Variants in DUSP22 observed in about 807,000 individuals in gnomAD.
DUSP22 encodes the protein dual specificity phosphatase 22, also known as dual specificity protein phosphatase 22.
A neutral mutation model predicts 24.5 loss-of-function variants in DUSP22; 24 were observed. The ratio of observed to expected loss-of-function variants is 0.98; its 90% CI spans 0.71 to 1.38. The LOEUF (loss-of-function observed/expected upper bound fraction) is 1.38, where lower values mean the gene tolerates loss of function less well. Ranked by LOEUF, DUSP22 falls within the 40% of genes most tolerant of loss-of-function variation. DUSP22 has a pLI of 0.00. For missense variants in DUSP22, 330 were observed against 269.2 expected (o/e 1.23, Z -1.58); for synonymous variants, 160 against 106.4 (o/e 1.50, Z -3.10).
intron 4 of DUSP22, among the ~76,000 whole-genome samples, chr6:344,181 G>T (rs4959746): frequency 3.2e-3 from 489 of 150,780 alleles, no homozygotes; most frequent in Non-Finnish European, 5.2e-3. Context: ...CTCCCTGAAC[G>T]GTTAGGGGGC....
At chr6:325,882 A>G (rs1474615820) in intron 3 of DUSP22, 1 of 159,954 alleles carries the variant, frequency 6.3e-6, no homozygotes, top group African/African-American at 3.0e-5. Context: ...GTCTGGAGTC[A>G]TCTTCCCTGG....
Position 350,896 on chromosome 6 carries a change from A to ACC in DUSP22, c.*1945_*1946insCC, listed in dbSNP as rs767050534. On this transcript the variant is annotated 3_prime_UTR_variant, in exon 7 of 7. Transcript: ENST00000419235. Reference sequence around the variant, plus strand: ...TACCTGAAGTTTCTGAAATATTGCAAACCCACAGAGTTTAGGCTGGTGCTG... The same window carrying ACC: ...TACCTGAAGTTTCTGAAATATTGCAACCACCCACAGAGTTTAGGCTGGTGCTG... 1 of 1,613,966 alleles carries ACC rather than the reference A, an allele frequency of 6.2e-7. No homozygotes were observed. Among genetic ancestry groups the ACC allele is most frequent in the Admixed American group, 1.7e-5 (1 of 60,034 alleles).
intron 1 of DUSP22, among the ~76,000 whole-genome samples, chr6:297,365 C>T (rs1757383146): frequency 6.6e-6 from 1 of 152,304 alleles, no homozygotes; most frequent in Non-Finnish European, 1.5e-5. Flanking sequence ...TTTGAGTGTT[C>T]TTGGATGTGA....
chr6:324,831 C>T (rs1758778687), intron 3 of DUSP22, among the ~76,000 whole-genome samples: 1 of 152,308 alleles, frequency 6.6e-6, no homozygotes, highest in Non-Finnish European at 1.5e-5. Context: ...AGCCTGTAAC[C>T]CATCTGCAGC....
At chr6:347,534 C>G (rs1357914753) in intron 5 of DUSP22, among the ~76,000 whole-genome samples, 1 of 152,302 alleles carries the variant, frequency 6.6e-6, no homozygotes, top group Admixed American at 6.5e-5. Context: ...TGCAAGGGTG[C>G]CTTGCTCCCA....
chr6:303,142 C>T (rs924133893), intron 1 of DUSP22, among the ~76,000 whole-genome samples: 1 of 152,290 alleles, frequency 6.6e-6, no homozygotes, highest in Non-Finnish European at 1.5e-5. Context: ...AGGAGAGACC[C>T]TCGGGAATGA....
intron 5 of DUSP22, among the ~76,000 whole-genome samples, chr6:346,735 C>T (rs1160570176): frequency 6.6e-6 from 1 of 152,306 alleles, no homozygotes; most frequent in African/African-American, 2.4e-5. Context: ...AGTCTTTTGA[C>T]ATTCCCCGAA....
intron 3 of DUSP22, among the ~76,000 whole-genome samples, chr6:328,768 C>T (rs549474398): frequency 8.5e-5 from 13 of 152,422 alleles, no homozygotes; most frequent in Admixed American, 4.6e-4. Context: ...ATTTATCTGC[C>T]GTGGCGGCTT....
chr6:347,211 C>A (rs1164435729), intron 5 of DUSP22, among the ~76,000 whole-genome samples: 1 of 152,310 alleles, frequency 6.6e-6, no homozygotes, highest in Admixed American at 6.5e-5. Flanking sequence ...CTTTTAAGAT[C>A]TCTCCTGGTA....
In DUSP22 at chr6:349,483, G is replaced by A. The variant is rs988228381; in HGVS notation, c.*532G>A. On this transcript the variant is annotated 3_prime_UTR_variant, in exon 7 of 7. Transcript: ENST00000419235. The stretch of plus-strand genomic sequence containing the variant: ...CCGAAAAGCTACCCAGCAAAGAGCA[G>A]TCTGTGCCTCTGAGCAGACCGTGAG... 8.9e-6 allele frequency: 9 copies of A among 1,006,522 alleles called. No homozygotes were observed. Among genetic ancestry groups the A allele is most frequent in the Middle Eastern group, 5.0e-4 (1 of 2,020 alleles). 62.3% of individuals were successfully genotyped at this position (1,006,522 alleles called of 1,614,324 possible). A position where few individuals can be genotyped will look rare whatever the true frequency, so the allele number is the denominator to read the frequency against.
chr6:320,690 AGTGC>A (rs1403473240), intron 3 of DUSP22, among the ~76,000 whole-genome samples: 1 of 152,274 alleles, frequency 6.6e-6, no homozygotes, highest in Non-Finnish European at 1.5e-5. Flanking sequence ...TTATAGGACT[AGTGC>A]GGTTTGACTC....
At chr6:311,845 A>G (rs1581156757) in intron 2 of DUSP22, 35 bp from the exon 3 acceptor site, 4 of 1,596,484 alleles carry the variant, frequency 2.5e-6, no homozygotes, top group Non-Finnish European at 2.6e-6. Context: ...ACTTGCAAAG[A>G]TATCAAAATG....
intron 3 of DUSP22, among the ~76,000 whole-genome samples, chr6:333,173 G>A (rs1281708028): frequency 3.9e-5 from 6 of 152,308 alleles, no homozygotes; most frequent in African/African-American, 1.4e-4. Flanking sequence ...ACAAGCCCAG[G>A]AGAAATGAGG....
chr6:336,183 A>AT (rs1307354555), intron 4 of DUSP22, among the ~76,000 whole-genome samples: 7 of 152,306 alleles, frequency 4.6e-5, no homozygotes, highest in African/African-American at 1.7e-4. Flanking sequence ...AGTACTTAGC[A>AT]TCCCATGCCA....
At chr6:310,767 C>A (rs1758047993) in intron 2 of DUSP22, among the ~76,000 whole-genome samples, 1 of 152,308 alleles carries the variant, frequency 6.6e-6, no homozygotes, top group Admixed American at 6.5e-5. Flanking sequence ...TATTATGTGT[C>A]TCATGCAGAA....
rs1352477462 is a variant in DUSP22, at chr6:345,909, G to A, written c.244G>A (p.Glu82Lys). ...CATTCACGAGTGCCGGCTCCGCGGT[G>A]AGAGCTGCCTTGTACACTGGTACGT... is the stretch of plus-strand genomic sequence containing the variant. The part of the protein sequence containing the change: ...KFIHECRLRG[E>K]SCLVHCLAGV... The change falls in exon 5 of 7, where the codon GAG becomes AAG. Residue 82 changes from glutamate (E) to lysine (K), a missense_variant. By Grantham distance (56) the Glu-to-Lys change is moderately conservative (BLOSUM62 1). Transcript: ENST00000419235. The A allele has an allele frequency of 6.2e-7, 1 of 1,614,160 alleles. No homozygotes were observed. Among genetic ancestry groups the A allele is most frequent in the African/African-American group, 1.3e-5 (1 of 74,968 alleles).
chr6:323,660 G>T (rs1175860388), intron 3 of DUSP22, among the ~76,000 whole-genome samples: 1 of 152,308 alleles, frequency 6.6e-6, no homozygotes, highest in African/African-American at 2.4e-5. Flanking sequence ...TGGCTGTATA[G>T]GCACAGATTT....
chr6:343,657 G>C (rs978257638), intron 4 of DUSP22, among the ~76,000 whole-genome samples: 2 of 152,304 alleles, frequency 1.3e-5, no homozygotes, highest in Admixed American at 6.5e-5. Flanking sequence ...TGCAGAACAT[G>C]TGTGTGCATG....
intron 3 of DUSP22, among the ~76,000 whole-genome samples, chr6:332,782 T>C (rs1165689851): frequency 6.6e-6 from 1 of 152,300 alleles, no homozygotes; most frequent in African/African-American, 2.4e-5. Flanking sequence ...CAGATGGAAG[T>C]CGCTGACACT....
Sources: gnomAD v4.1 joint callset for allele counts (sites outside exome capture counted in the v4.1 genomes callset) on GRCh38, gnomAD v4.1.1 for gene constraint, MANE v1.5 for transcripts, NCBI Gene and HGNC (gene_info 2026-07-23, HGNC 2026-07-21) for gene names.